The following CYB5RL variants were observed in gnomAD, a reference collection of about 807,000 sequenced individuals.
CYB5RL encodes the protein NADH-cytochrome b5 reductase-like.
Under a neutral mutation model 37.5 loss-of-function variants are expected in CYB5RL, and 38 were observed. The observed-to-expected ratio is 1.01, with a 90% CI of 0.78 to 1.33. The LOEUF (loss-of-function observed/expected upper bound fraction) is 1.33. CYB5RL is among the 40% of genes most tolerant of loss of function. CYB5RL has a pLI of 0.00. For missense variants in CYB5RL, 388 were observed against 394.4 expected (o/e 0.98, Z 0.14); for synonymous variants, 141 against 151.9 (o/e 0.93, Z 0.53).
chr1:54,197,485 G>A (rs750129335), intron 1 of CYB5RL, among the ~76,000 whole-genome samples: 13 of 151,828 alleles, frequency 8.6e-5, no homozygotes, highest in Admixed American at 1.3e-4. Flanking sequence ...CACAATGCCC[G>A]GCTAGGTTTT....
At chr1:54,187,096 T>C (rs1409169238) in intron 5 of CYB5RL, among the ~76,000 whole-genome samples, 1 of 152,152 alleles carries the variant, frequency 6.6e-6, no homozygotes, top group Admixed American at 6.6e-5. Context: ...TTCCACATAA[T>C]TGGGCCTCCA....
At chr1:54,174,924 G>T in intron 7 of CYB5RL, 102 bp from the exon 8 acceptor site, 1 of 1,288,402 alleles carries the variant, frequency 7.8e-7, no homozygotes, top group Non-Finnish European at 1.1e-6. Flanking sequence ...CAAGGCAGAG[G>T]GTGTAGGAAG....
At chr1:54,186,233 C>G (rs140719222) in intron 5 of CYB5RL, 168 of 152,340 alleles carry the variant, frequency 1.1e-3, no homozygotes, top group African/African-American at 3.9e-3. Context: ...GATCATATTA[C>G]CCAAGAGGCC....
intron 6 of CYB5RL, among the ~76,000 whole-genome samples, chr1:54,181,702 A>C (rs1192221021): frequency 6.6e-6 from 1 of 152,238 alleles, no homozygotes; most frequent in Admixed American, 6.5e-5. Flanking sequence ...CTATAATCCC[A>C]GCACTTTGGG....
At chr1:54,197,435 T>G (rs545954084) in intron 1 of CYB5RL, among the ~76,000 whole-genome samples, 1 of 151,248 alleles carries the variant, frequency 6.6e-6, no homozygotes, top group East Asian at 2.0e-4. Flanking sequence ...GTGATTCTCC[T>G]GCTTCAGCCA....
intron 7 of CYB5RL, 136 bp from the exon 8 acceptor site, chr1:54,174,958 T>C (rs1009099162): frequency 6.2e-6 from 5 of 808,548 alleles, no homozygotes; most frequent in South Asian, 1.7e-5. Context: ...AGGCCCACCA[T>C]GGGCCAGGCA....
rs949721168 is a variant in CYB5RL at position 54,187,813 on chromosome 1, T to C, written c.348-74A>G. On this transcript the variant is annotated intron_variant, in intron 4 of 7. Transcript: ENST00000534324. ...TTTTAAGGCTGGGCACGGTGGCTCATGTCTGTAATCCCCACACTTTGGGAG... is the reference window on the plus strand; with the variant it reads ...TTTTAAGGCTGGGCACGGTGGCTCACGTCTGTAATCCCCACACTTTGGGAG... 4 of 1,332,120 alleles carry C rather than the reference T, an allele frequency of 3.0e-6. No homozygotes were observed. In the African/African-American group the frequency reaches 5.8e-5, roughly 19 times the overall value. 82.5% of individuals were successfully genotyped at this position (1,332,120 alleles called of 1,614,324 possible). A position where few individuals can be genotyped will look rare whatever the true frequency, so the allele number is the denominator to read the frequency against.
At chr1:54,177,494 C>T (rs1366592627) in intron 7 of CYB5RL, among the ~76,000 whole-genome samples, 1 of 152,208 alleles carries the variant, frequency 6.6e-6, no homozygotes, top group African/African-American at 2.4e-5. Flanking sequence ...CCACCACTGG[C>T]ATCCCGAACA....
chr1:54,178,354 G>T (rs1184116352), intron 7 of CYB5RL, among the ~76,000 whole-genome samples: 2 of 152,124 alleles, frequency 1.3e-5, no homozygotes, highest in Non-Finnish European at 2.9e-5. Flanking sequence ...GGAACACAGG[G>T]GGCCCAGCAG....
chr1:54,190,883 T>A lies in CYB5RL; in HGVS notation c.212A>T (p.Lys71Met). The A allele has an allele frequency of 6.2e-7, 1 of 1,611,890 alleles. No homozygotes were observed. The highest frequency in any genetic ancestry group is 8.5e-7 in the Non-Finnish European group (1 of 1,179,302). The change falls in exon 4 of 8, where the codon AAG becomes ATG. Residue 71 changes from lysine (K) to methionine (M), a missense_variant. Lys to Met is a moderately conservative substitution (Grantham distance 95, BLOSUM62 -1). Transcript: ENST00000534324. ...RGPESQSCPS[K>M]LNPETFVAFC... ...GGCCACGAAGGTCTCTGGGTTCAGC[T>A]TGGAGGGGCAGCTCTGCAACAGGAA...
intron 5 of CYB5RL, 96 bp downstream of exon 5, chr1:54,187,556 C>A: frequency 8.3e-7 from 1 of 1,202,318 alleles, no homozygotes; most frequent in Non-Finnish European, 1.2e-6. Flanking sequence ...TTGTTCCCAG[C>A]ACTGAGTTTC....
At chr1:54,186,349 T>C (rs1427367938) in intron 5 of CYB5RL, 1 of 152,148 alleles carries the variant, frequency 6.6e-6, no homozygotes, top group Admixed American at 6.5e-5. Flanking sequence ...ATGAGATAAT[T>C]AGAATAAAGA....
intron 6 of CYB5RL, among the ~76,000 whole-genome samples, chr1:54,179,586 C>A (rs1477489512): frequency 1.3e-5 from 2 of 152,176 alleles, no homozygotes; most frequent in African/African-American, 4.8e-5. Context: ...GGGAACATAA[C>A]AGTATAGCCC....
In CYB5RL at chr1:54,174,463, G is replaced by T; in HGVS notation, c.*156C>A. 1.3e-6 allele frequency: 1 copy of T among 781,030 alleles called. No individual in the cohort carries two copies. The highest frequency in any genetic ancestry group is 2.1e-6 in the Non-Finnish European group (1 of 479,138). The allele number at this position is 781,030 out of a possible 1,614,324, so 48.4% of individuals were successfully genotyped here. ...ATTAACCTCATGGGGCAGATGAGAAGTAGAGGTTCTGAGCAGTAAAGACAC... is the reference window on the plus strand; with the variant it reads ...ATTAACCTCATGGGGCAGATGAGAATTAGAGGTTCTGAGCAGTAAAGACAC... On this transcript the variant is annotated 3_prime_UTR_variant, in exon 8 of 8. Transcript: ENST00000534324.
rs114787371 is a variant in CYB5RL at position 54,173,957 on chromosome 1, G to A, written c.*662C>T. 0.015 allele frequency: 2,285 copies of A among 153,394 alleles called. 19 individuals are homozygous for A. The highest frequency in any genetic ancestry group is 0.023 in the Non-Finnish European group (1,566 of 68,608). The allele number at this position is 153,394 out of a possible 1,614,324, so 9.5% of individuals were successfully genotyped here. On this transcript the variant is annotated 3_prime_UTR_variant, in exon 8 of 8. Coordinates refer to ENST00000534324, the MANE Select transcript of CYB5RL (RefSeq NM_001031672.4). Reference sequence around the variant, plus strand: ...GAGGAGGGAGGGGCGTTTCCTTCCCGTGCCTCTTCTTTTGCTAGGCTCGAT... The same window carrying A: ...GAGGAGGGAGGGGCGTTTCCTTCCCATGCCTCTTCTTTTGCTAGGCTCGAT...
intron 6 of CYB5RL, among the ~76,000 whole-genome samples, chr1:54,179,684 C>A (rs928791717): frequency 6.6e-6 from 1 of 152,164 alleles, no homozygotes; most frequent in African/African-American, 2.4e-5. Context: ...CATTACTTCC[C>A]AAGGCAGTTT....
rs903416654 is a variant in CYB5RL at position 54,184,199 on chromosome 1, G to A, written c.502C>T (p.Arg168Ter). ...SWRVGDTAFW[R>*]GPFGDFFYKP... is the part of the protein sequence containing the mutation. ...TAGAAGAAATCTCCGAAAGGTCCTC[G>A]CCAGAAAGCTGTGTCTCCTACTCTC... Residue 168 changes from arginine to a stop codon, truncating the protein, a stop_gained, in exon 6 of 8, where the codon CGA becomes TGA. Transcript: ENST00000534324. LOFTEE classifies it high-confidence loss of function. 54 of 1,613,498 alleles carry A rather than the reference G, an allele frequency of 3.3e-5. No individual in the cohort carries two copies. The highest frequency in any genetic ancestry group is 1.6e-4 in the Middle Eastern group (1 of 6,084).
Position 54,179,185 on chromosome 1 carries a change from AC to A in CYB5RL, c.707del (p.Arg236LeufsTer37), listed in dbSNP as rs1438295525. The A allele has an allele frequency of 6.2e-7, 1 of 1,613,536 alleles. No homozygotes were observed. Among genetic ancestry groups the A allele is most frequent in the Non-Finnish European group, 8.5e-7 (1 of 1,179,756 alleles). On this transcript the variant is annotated frameshift_variant, in exon 7 of 8. Coordinates refer to ENST00000534324, the MANE Select transcript of CYB5RL (RefSeq NM_001031672.4). LOFTEE classifies it high-confidence loss of function. ...CAAAGAAGGTACGGACATTCCAGAA[AC>A]GGGCCTGCTCTTGGAGGAAGGTTTT... Reference protein sequence around the residue: ...YLKTFLQEQARFWNVRTFFVL... With the variant: ...YLKTFLQEQAXFWNVRTFFVL...
intron 1 of CYB5RL, among the ~76,000 whole-genome samples, chr1:54,197,253 A>T (rs1330018651): frequency 1.3e-5 from 2 of 151,832 alleles, no homozygotes; most frequent in Non-Finnish European, 1.5e-5. Flanking sequence ...TGAGCACTCC[A>T]TGCACTTGGT....
Sources: gnomAD v4.1 joint callset for allele counts (sites outside exome capture counted in the v4.1 genomes callset) on GRCh38, gnomAD v4.1.1 for gene constraint, MANE v1.5 for transcripts, NCBI Gene and HGNC (gene_info 2026-07-23, HGNC 2026-07-21) for gene names.